The following KIAA1217 variants were observed in gnomAD, a reference collection of about 807,000 sequenced individuals.
KIAA1217 encodes the protein sickle tail protein homolog.
Under a neutral mutation model 163.9 loss-of-function variants are expected in KIAA1217, and 88 were observed. The observed-to-expected ratio is 0.54, with a 90% confidence interval of 0.45 to 0.64. The LOEUF is 0.64. Ranked by LOEUF, KIAA1217 falls within the 30% of genes least tolerant of loss-of-function variation. The pLI, the probability that KIAA1217 is intolerant of heterozygous loss-of-function variation, is 0.00. For missense variants in KIAA1217, 2,372 were observed against 2,475.0 expected (o/e 0.96, Z 0.88); for synonymous variants, 903 against 923.1 (o/e 0.98, Z 0.39).
At chr10:24,326,873 A>T (rs971374393) in intron 2 of KIAA1217, among the ~76,000 whole-genome samples, 15 of 152,212 alleles carry the variant, frequency 9.9e-5, no homozygotes, top group Non-Finnish European at 2.1e-4. Context: ...GAAACGAATG[A>T]TATGAAATTA....
chr10:23,760,297 A>G (rs1322382004), intron 1 of KIAA1217, among the ~76,000 whole-genome samples: 1 of 152,194 alleles, frequency 6.6e-6, no homozygotes, highest in Non-Finnish European at 1.5e-5. Flanking sequence ...GATGACTGCT[A>G]CAGTGCATGC....
chr10:24,096,449 C>A (rs1477315749), intron 2 of KIAA1217, among the ~76,000 whole-genome samples: 1 of 152,200 alleles, frequency 6.6e-6, no homozygotes, highest in Non-Finnish European at 1.5e-5. Context: ...CACGTTGCAG[C>A]TGGGATAATC....
chr10:24,380,044 C>T (rs561567960), intron 2 of KIAA1217, among the ~76,000 whole-genome samples: 3 of 152,120 alleles, frequency 2.0e-5, no homozygotes, highest in East Asian at 3.9e-4. Context: ...AAGAATGAAA[C>T]GCCATCTCAG....
At chr10:24,329,190 A>G (rs2045340397) in intron 2 of KIAA1217, among the ~76,000 whole-genome samples, 1 of 147,986 alleles carries the variant, frequency 6.8e-6, no homozygotes, top group South Asian at 2.1e-4. Context: ...GTGTATATAC[A>G]TAGTATATAA....
At chr10:23,974,606 T>G (rs1186332517) in intron 1 of KIAA1217, among the ~76,000 whole-genome samples, 2 of 152,074 alleles carry the variant, frequency 1.3e-5, no homozygotes, top group Non-Finnish European at 2.9e-5. Context: ...GATCACTATA[T>G]TGCCCAGGAA....
rs371593088 is a variant in KIAA1217, at chr10:24,218,377, G to C, written c.71-1249G>C. ...CCAGCTCAGAAGGCAGGATGTCTTA[G>C]GTCCAGGCTATCAGGATGTACCATT... On this transcript the variant is annotated intron_variant, in intron 1 of 20. Transcript: ENST00000376454. Among the ~76,000 whole-genome samples the C allele has an allele frequency of 2.1e-4, 32 of 152,202 alleles. 3 individuals carry two copies. The highest frequency in any genetic ancestry group is 1.7e-3 in the South Asian group (8 of 4,816).
At chr10:24,004,988 G>T (rs1463616882) in intron 1 of KIAA1217, among the ~76,000 whole-genome samples, 1 of 152,176 alleles carries the variant, frequency 6.6e-6, no homozygotes, top group Admixed American at 6.5e-5. Context: ...ATGGATGGTG[G>T]GAGCAGCTTA....
chr10:24,047,357 C>G (rs894134121), intron 2 of KIAA1217, among the ~76,000 whole-genome samples: 2 of 152,106 alleles, frequency 1.3e-5, no homozygotes, highest in African/African-American at 2.4e-5. Context: ...CCCTCTGTGG[C>G]CTTGAGCAAG....
Position 24,377,314 on chromosome 10 carries a change from G to A in KIAA1217, c.355-3555G>A, listed in dbSNP as rs2052645744. On this transcript the variant is annotated intron_variant, in intron 2 of 20. Transcript: ENST00000376454. ...GTCATGGATCTCCATGGAGCAAGGA[G>A]GAAAATCCAGTCTTACAGACCCTTG... 2.0e-5 allele frequency among the ~76,000 whole-genome samples: 3 copies of A among 152,126 alleles called. No homozygotes were observed. In the South Asian group the frequency reaches 6.2e-4, roughly 32 times the overall value.
intron 1 of KIAA1217, among the ~76,000 whole-genome samples, chr10:23,818,295 T>C (rs1008059414): frequency 7.1e-6 from 1 of 141,652 alleles, no homozygotes; most frequent in Admixed American, 7.3e-5. Flanking sequence ...TTATATGTTA[T>C]ATATAAATTA....
At chr10:24,010,674 G>A (rs1847201681) in intron 2 of KIAA1217, among the ~76,000 whole-genome samples, 1 of 147,560 alleles carries the variant, frequency 6.8e-6, no homozygotes, top group Non-Finnish European at 1.5e-5. Flanking sequence ...TCCATGAGAG[G>A]AAGAAAACAC....
intron 1 of KIAA1217, among the ~76,000 whole-genome samples, chr10:23,950,444 T>C (rs1342495810): frequency 3.3e-5 from 5 of 151,798 alleles, no homozygotes; most frequent in Admixed American, 2.6e-4. Context: ...TCTAATCCAC[T>C]GAGGTTTTAA....
chr10:24,453,118 A>G, intron 5 of KIAA1217, among the ~76,000 whole-genome samples: 1 of 152,216 alleles, frequency 6.6e-6, no homozygotes, highest in South Asian at 2.1e-4. Flanking sequence ...TGACAAAAAT[A>G]GGGCTGGATC....
At chr10:23,933,302 C>T (rs186283996) in intron 1 of KIAA1217, among the ~76,000 whole-genome samples, 6 of 152,186 alleles carry the variant, frequency 3.9e-5, no homozygotes, top group Admixed American at 3.3e-4. Flanking sequence ...CCATCTTTAC[C>T]GGAAGGGTGC....
At chr10:23,858,615 C>G (rs1317688620) in intron 1 of KIAA1217, among the ~76,000 whole-genome samples, 1 of 151,994 alleles carries the variant, frequency 6.6e-6, no homozygotes, top group Admixed American at 6.6e-5. Flanking sequence ...AAAAATGATT[C>G]TGTTAGTATA....
chr10:24,379,908 T>C (rs1262103602), intron 2 of KIAA1217, among the ~76,000 whole-genome samples: 1 of 151,994 alleles, frequency 6.6e-6, no homozygotes, highest in Non-Finnish European at 1.5e-5. Context: ...AAAAATTAGC[T>C]GGGCATGATG....
At chr10:23,914,307 T>G (rs1842554642) in intron 1 of KIAA1217, among the ~76,000 whole-genome samples, 1 of 152,078 alleles carries the variant, frequency 6.6e-6, no homozygotes, top group African/African-American at 2.4e-5. Context: ...CCTTTTTCCT[T>G]GACATTGGTT....
intron 2 of KIAA1217, among the ~76,000 whole-genome samples, chr10:24,154,609 T>C (rs977105521): frequency 2.6e-5 from 4 of 151,954 alleles, no homozygotes; most frequent in Non-Finnish European, 4.4e-5. Context: ...GCACAGTGAC[T>C]CACACCTATA....
Position 23,901,172 on chromosome 10 carries a change from G to A in KIAA1217, c.-320-106053G>A, listed in dbSNP as rs554230754. ...TGAATATTTGCTACCAACCTATAAA[G>A]TAATTATAATTATTATTTAGCTGGG... On this transcript the variant is annotated intron_variant, in intron 1 of 18. Transcript: ENST00000376462. Among the ~76,000 whole-genome samples, 14 of 152,088 alleles carry A rather than the reference G, an allele frequency of 9.2e-5. No individual in the cohort carries two copies. In the East Asian group the frequency reaches 2.7e-3, roughly 30 times the overall value.
Sources: allele counts gnomAD v4.1 joint callset (sites outside exome capture counted in the v4.1 genomes callset), GRCh38; gene constraint gnomAD v4.1.1; transcripts MANE v1.5; gene names NCBI Gene and HGNC (gene_info 2026-07-23, HGNC 2026-07-21).